TGFBR3: variants seen among roughly 807,000 people sequenced by gnomAD.
TGFBR3 encodes the protein transforming growth factor beta receptor type 3.
In TGFBR3, 46 loss-of-function variants were observed where a neutral mutation model predicts 87.9. That is an observed-to-expected ratio of 0.52 (90% confidence interval 0.41 to 0.67). TGFBR3 has a LOEUF of 0.67. TGFBR3 is among the 30% of genes least tolerant of loss of function. The pLI is 0.00. For synonymous variants in TGFBR3, 381 were observed against 391.6 expected, an observed-to-expected ratio of 0.97 and a Z score of 0.32; for missense variants, 866 against 1,041.9, an observed-to-expected ratio of 0.83 and a Z score of 2.32.
At chr1:91,772,407 G>A (rs1323796614) in intron 3 of TGFBR3, among the ~76,000 whole-genome samples, 2 of 152,046 alleles carry the variant, frequency 1.3e-5, no homozygotes, top group African/African-American at 4.8e-5. Context: ...ATCTTGCATG[G>A]TGAGAAAAAT....
rs144777746 is a variant in TGFBR3 at position 91,706,004 on chromosome 1, A to T, written c.2287+2659T>A. ...CCAGGCTCAAAAGAAGAATGGATGA[A>T]TTGCTGGAAGTTATACTGCGGCAAT... On this transcript the variant is annotated intron_variant, in intron 14 of 16. Coordinates refer to ENST00000212355, the MANE Select transcript of TGFBR3 (RefSeq NM_003243.5). 3.2e-3 allele frequency among the ~76,000 whole-genome samples: 484 copies of T among 152,342 alleles called. 11 individuals are homozygous for T. Among genetic ancestry groups the T allele is most frequent in the Non-Finnish European group, 1.9e-3 (130 of 68,028 alleles).
At chr1:91,742,399 G>T (rs1224892175) in intron 4 of TGFBR3, among the ~76,000 whole-genome samples, 1 of 152,178 alleles carries the variant, frequency 6.6e-6, no homozygotes, top group African/African-American at 2.4e-5. Flanking sequence ...GCTCAATGTT[G>T]TTACCTACAG....
Position 91,693,891 on chromosome 1 carries a change from A to C in TGFBR3, c.2437+1781T>G, listed in dbSNP as rs561387670. Among the ~76,000 whole-genome samples, 3 of 152,342 alleles carry C rather than the reference A, an allele frequency of 2.0e-5. No homozygotes were observed. In the South Asian group the frequency reaches 6.2e-4, roughly 32 times the overall value. ...CTGCGACAAAATTACTTACTTTAAA[A>C]TGCTGCTCTGCTAAATTCTGTCTTT... On this transcript the variant is annotated intron_variant, in intron 16 of 16. Transcript: ENST00000212355.
intron 4 of TGFBR3, among the ~76,000 whole-genome samples, chr1:91,736,045 A>C (rs1410215068): frequency 6.6e-6 from 1 of 152,200 alleles, no homozygotes; most frequent in Non-Finnish European, 1.5e-5. Flanking sequence ...AACACACACA[A>C]AATTATATTT....
At chr1:91,782,802 C>T (rs1459925404) in intron 3 of TGFBR3, among the ~76,000 whole-genome samples, 1 of 152,190 alleles carries the variant, frequency 6.6e-6, no homozygotes, top group African/African-American at 2.4e-5. Context: ...CCCTCTCCCC[C>T]AAGGCACCTC....
intron 16 of TGFBR3, among the ~76,000 whole-genome samples, chr1:91,691,849 G>C (rs754779304): frequency 1.3e-5 from 2 of 152,114 alleles, no homozygotes; most frequent in East Asian, 3.9e-4. Flanking sequence ...CAGCTGGCAG[G>C]GTCAGCAGAA....
intron 2 of TGFBR3, among the ~76,000 whole-genome samples, chr1:91,848,629 T>C (rs1677599920): frequency 6.6e-6 from 1 of 152,228 alleles, no homozygotes; most frequent in African/African-American, 2.4e-5. Flanking sequence ...AAAAATAGGT[T>C]GACCTACAAC....
chr1:91,861,064 T>C (rs1164796034), intron 2 of TGFBR3, among the ~76,000 whole-genome samples: 2 of 150,406 alleles, frequency 1.3e-5, no homozygotes, highest in African/African-American at 4.9e-5. Flanking sequence ...TATTTGCTAA[T>C]AAAGGACAAA....
intron 1 of TGFBR3, among the ~76,000 whole-genome samples, chr1:91,865,434 T>C (rs1038735470): frequency 6.6e-6 from 1 of 151,838 alleles, no homozygotes. Flanking sequence ...ACATGTACCC[T>C]AGAACTTAAA....
intron 2 of TGFBR3, among the ~76,000 whole-genome samples, chr1:91,833,211 G>A (rs1444846909): frequency 2.9e-5 from 4 of 137,288 alleles, no homozygotes; most frequent in African/African-American, 1.1e-4. Flanking sequence ...CAGAAGAATC[G>A]CTTGAACCCA....
upstream of TGFBR3, among the ~76,000 whole-genome samples, chr1:91,887,262 T>TTTTTTTTTTTTTTTTTTTG (rs1165045165): frequency 1.6e-4 from 20 of 125,270 alleles, 1 homozygote; most frequent in African/African-American, 3.5e-4. Context: ...TTTTTTTTTT[T>TTTTTTTTTTTTTTTTTTTG]TGAGATGGAG....
intron 2 of TGFBR3, among the ~76,000 whole-genome samples, chr1:91,807,725 G>T (rs1054933661): frequency 1.3e-5 from 2 of 152,186 alleles, no homozygotes; most frequent in African/African-American, 2.4e-5. Flanking sequence ...ATGTTTCATG[G>T]TTTTTATGAC....
At chr1:91,801,183 AG>A (rs1194411510) in intron 2 of TGFBR3, 1 of 157,510 alleles carries the variant, frequency 6.3e-6, no homozygotes, top group African/African-American at 2.4e-5. Flanking sequence ...ACACATTGCA[AG>A]GAAGCAGCAC....
At chr1:91,887,037 T>G (rs187297420), upstream of TGFBR3, among the ~76,000 whole-genome samples, 1 of 152,046 alleles carries the variant, frequency 6.6e-6, no homozygotes, top group Non-Finnish European at 1.5e-5. Flanking sequence ...AAAAGTATAC[T>G]TAAGTAACAG....
chr1:91,752,965 T>C (rs1429988231), intron 4 of TGFBR3, among the ~76,000 whole-genome samples: 2 of 148,836 alleles, frequency 1.3e-5, no homozygotes, highest in Non-Finnish European at 3.0e-5. Context: ...CAGCAGAGGT[T>C]ACAGTGAGCC....
intron 2 of TGFBR3, among the ~76,000 whole-genome samples, chr1:91,831,571 T>C (rs1002397828): frequency 2.6e-5 from 4 of 152,256 alleles, no homozygotes; most frequent in Admixed American, 2.0e-4. Flanking sequence ...CCTGCAGATT[T>C]GGGTCAAACA....
intron 1 of TGFBR3, chr1:91,862,090 G>A (rs550444683): frequency 9.4e-5 from 15 of 160,098 alleles, no homozygotes; most frequent in South Asian, 7.1e-4. Context: ...TCCTGACCTC[G>A]TGATCTGCCC....
At chr1:91,758,180 A>G (rs1221270499) in intron 4 of TGFBR3, among the ~76,000 whole-genome samples, 2 of 152,168 alleles carry the variant, frequency 1.3e-5, no homozygotes, top group East Asian at 1.9e-4. Context: ...CTTTCTCAAC[A>G]AACAGATCCT....
intron 4 of TGFBR3, among the ~76,000 whole-genome samples, chr1:91,753,885 C>T (rs999669961): frequency 1.7e-4 from 26 of 152,162 alleles, no homozygotes; most frequent in Admixed American, 1.6e-3. Context: ...TTTTTGGTTA[C>T]TGTGAATAAT....
Sources: gnomAD v4.1 joint callset for allele counts (sites outside exome capture counted in the v4.1 genomes callset) on GRCh38, gnomAD v4.1.1 for gene constraint, MANE v1.5 for transcripts, NCBI Gene and HGNC (gene_info 2026-07-23, HGNC 2026-07-21) for gene names.